Variants in SEMA3A observed in about 807,000 individuals in gnomAD.
SEMA3A encodes the protein semaphorin 3A.
SEMA3A carries 29 observed loss-of-function variants against 97.9 expected under a neutral mutation model. The ratio of observed to expected loss-of-function variants is 0.30; its 90% CI spans 0.22 to 0.40. SEMA3A has a LOEUF of 0.40. Ranked by LOEUF, SEMA3A falls within the 10% of genes least tolerant of loss-of-function variation. The probability of loss-of-function intolerance (pLI) is 1.00; values close to 1 mark genes in which losing one functional copy is unlikely to be tolerated. For missense variants in SEMA3A, 763 were observed against 951.3 expected (o/e 0.80, Z 2.60); for synonymous variants, 321 against 323.7 (o/e 0.99, Z 0.09).
chr7:84,282,233 A>G (rs1470250297), intron 3 of SEMA3A, among the ~76,000 whole-genome samples: 1 of 152,162 alleles, frequency 6.6e-6, no homozygotes, highest in Non-Finnish European at 1.5e-5. Flanking sequence ...GCTGGTTTAC[A>G]GTTAAAAAAA....
chr7:84,299,255 TATATCTCC>T (rs1273853122), intron 3 of SEMA3A, among the ~76,000 whole-genome samples: 18 of 67,566 alleles, frequency 2.7e-4, no homozygotes, highest in South Asian at 1.4e-3. Context: ...TATATATATA[TATATCTCC>T]ATATATATAT....
chr7:84,320,209 A>C (rs1197814290), intron 2 of SEMA3A, among the ~76,000 whole-genome samples: 1 of 152,162 alleles, frequency 6.6e-6, no homozygotes, highest in Non-Finnish European at 1.5e-5. Flanking sequence ...AATACCTTAC[A>C]GGGTATATAT....
intron 3 of SEMA3A, among the ~76,000 whole-genome samples, chr7:84,289,145 T>A (rs1210008526): frequency 6.6e-6 from 1 of 152,040 alleles, no homozygotes; most frequent in East Asian, 1.9e-4. Flanking sequence ...TTTTCACTCG[T>A]ATGTGGGAGC....
chr7:84,250,996 A>G (rs1402684663), intron 3 of SEMA3A, among the ~76,000 whole-genome samples: 2 of 152,182 alleles, frequency 1.3e-5, no homozygotes, highest in East Asian at 3.8e-4. Flanking sequence ...TATTAAATGG[A>G]GATGAGACAG....
chr7:84,110,921 T>C (rs1795260237), intron 3 of SEMA3A, among the ~76,000 whole-genome samples: 1 of 151,968 alleles, frequency 6.6e-6, no homozygotes, highest in Admixed American at 6.6e-5. Context: ...TTTCCAGAAA[T>C]GAGGAGAGCA....
intron 1 of SEMA3A, among the ~76,000 whole-genome samples, chr7:84,470,039 T>C (rs564397061): frequency 1.1e-3 from 162 of 151,814 alleles, no homozygotes; most frequent in African/African-American, 3.7e-3. Flanking sequence ...AAATAAAAAT[T>C]AATTTGGAAA....
In SEMA3A at chr7:84,264,572, C is replaced by G. The variant is rs910254634; in HGVS notation, c.-83+42635G>C. Among the ~76,000 whole-genome samples the G allele has an allele frequency of 2.6e-5, 4 of 152,248 alleles. No homozygotes were observed. The East Asian group carries it at 7.7e-4, about 29-fold the overall frequency. ...CCATGTGGTTCAGATGAAATGCATT[C>G]ATGTATGCAGATCTGAAATGCTCAT... On this transcript the variant is annotated intron_variant, in intron 3 of 3. Transcript: ENST00000424555.
At chr7:84,438,374 C>T (rs1246512734) in intron 1 of SEMA3A, among the ~76,000 whole-genome samples, 1 of 152,012 alleles carries the variant, frequency 6.6e-6, no homozygotes, top group Non-Finnish European at 1.5e-5. Flanking sequence ...GTTAACTTTT[C>T]CCACCACTTC....
intron 5 of SEMA3A, among the ~76,000 whole-genome samples, chr7:84,052,715 A>G (rs1272078080): frequency 4.0e-5 from 6 of 150,690 alleles, no homozygotes; most frequent in African/African-American, 1.5e-4. Context: ...TATTTCCTTC[A>G]GTTCTGCTCT....
At chr7:84,432,860 ATTT>A (rs34970127) in intron 1 of SEMA3A, among the ~76,000 whole-genome samples, 18 of 138,926 alleles carry the variant, frequency 1.3e-4, no homozygotes, top group Admixed American at 4.4e-4. Context: ...ACAAATGTGA[ATTT>A]TTTTTTTTTT....
chr7:84,048,651 T>C (rs927841423), intron 5 of SEMA3A, among the ~76,000 whole-genome samples: 7 of 151,978 alleles, frequency 4.6e-5, no homozygotes, highest in Admixed American at 1.3e-4. Context: ...GTTGAACCTC[T>C]TTGCCTCTAA....
At chr7:84,182,363 C>G (rs776422136) in intron 1 of SEMA3A, among the ~76,000 whole-genome samples, 1 of 152,080 alleles carries the variant, frequency 6.6e-6, no homozygotes, top group African/African-American at 2.4e-5. Context: ...TCAAGGCAAC[C>G]ATTACGCCAT....
intron 1 of SEMA3A, among the ~76,000 whole-genome samples, chr7:84,486,107 A>G (rs1202328252): frequency 1.3e-5 from 2 of 152,202 alleles, no homozygotes; most frequent in African/African-American, 2.4e-5. Flanking sequence ...AACAAATTAC[A>G]GGCCAGGCGT....
At chr7:84,427,686 G>GAATTGTTAAA (rs202107624) in intron 1 of SEMA3A, among the ~76,000 whole-genome samples, 1 of 141,988 alleles carries the variant, frequency 7.0e-6, no homozygotes, top group African/African-American at 2.6e-5. Flanking sequence ...TCACTCATAT[G>GAATTGTTAAA]TAACAATTAA....
At chr7:84,113,320 T>A (rs896201253) in intron 3 of SEMA3A, among the ~76,000 whole-genome samples, 1 of 152,156 alleles carries the variant, frequency 6.6e-6, no homozygotes, top group Non-Finnish European at 1.5e-5. Flanking sequence ...AGAGTATCAA[T>A]CCTGTCATTC....
At chr7:84,222,268 A>C (rs1477339587) in intron 3 of SEMA3A, among the ~76,000 whole-genome samples, 5 of 151,992 alleles carry the variant, frequency 3.3e-5, no homozygotes, top group African/African-American at 7.2e-5. Context: ...ATAACCTCTA[A>C]ATTATAAATA....
intron 1 of SEMA3A, among the ~76,000 whole-genome samples, chr7:84,385,581 T>C (rs1037060809): frequency 1.3e-5 from 2 of 151,766 alleles, no homozygotes; most frequent in Non-Finnish European, 2.9e-5. Context: ...CTTCTCCATC[T>C]CTATTCTTTT....
chr7:84,146,065 C>G (rs1185893924), intron 1 of SEMA3A, among the ~76,000 whole-genome samples: 1 of 152,188 alleles, frequency 6.6e-6, no homozygotes, highest in Non-Finnish European at 1.5e-5. Context: ...TCTCTCCCAT[C>G]AAAGACTTGA....
At chr7:84,349,609 C>A (rs1802386932) in intron 2 of SEMA3A, among the ~76,000 whole-genome samples, 1 of 152,176 alleles carries the variant, frequency 6.6e-6, no homozygotes, top group Non-Finnish European at 1.5e-5. Flanking sequence ...TGTGGACAGA[C>A]ACTGTGACCA....
Sources: gnomAD v4.1 joint callset for allele counts (sites outside exome capture counted in the v4.1 genomes callset) on GRCh38, gnomAD v4.1.1 for gene constraint, MANE v1.5 for transcripts, NCBI Gene and HGNC (gene_info 2026-07-23, HGNC 2026-07-21) for gene names.